The following PRKAG2 variants were observed in gnomAD, a reference collection of about 807,000 sequenced individuals.
The protein encoded by PRKAG2 is 5'-AMP-activated protein kinase subunit gamma-2.
Under a neutral mutation model 69.6 loss-of-function variants are expected in PRKAG2, and 26 were observed. That is an observed-to-expected ratio of 0.37 (90% CI 0.27 to 0.52). The LOEUF (loss-of-function observed/expected upper bound fraction) is 0.52, where lower values mean the gene tolerates loss of function less well. Among genes scored for constraint, PRKAG2 ranks in the 20% least tolerant of loss-of-function variants. The pLI is 0.90. For synonymous variants in PRKAG2, 293 were observed against 285.0 expected, an observed-to-expected ratio of 1.03 and a Z score of -0.28; for missense variants, 557 against 740.0, an observed-to-expected ratio of 0.75 and a Z score of 2.87.
intron 1 of PRKAG2, among the ~76,000 whole-genome samples, chr7:151,795,592 G>A (rs1187065028): frequency 1.3e-5 from 2 of 152,112 alleles, no homozygotes; most frequent in African/African-American, 4.8e-5. Context: ...GCAGGTGGCT[G>A]CCGTGGGCGT....
At chr7:151,708,410 C>T (rs145001833) in intron 3 of PRKAG2, among the ~76,000 whole-genome samples, 2 of 152,128 alleles carry the variant, frequency 1.3e-5, no homozygotes, top group African/African-American at 4.8e-5. Flanking sequence ...TGCCAGCCAT[C>T]GAAGAGAATA....
At chr7:151,628,135 G>A (rs73478084) in intron 5 of PRKAG2, among the ~76,000 whole-genome samples, 1 of 152,136 alleles carries the variant, frequency 6.6e-6, no homozygotes, top group East Asian at 1.9e-4. Flanking sequence ...AAACTTGAAA[G>A]AGCCCAGCTC....
rs568122697 is a variant in PRKAG2 at position 151,611,240 on chromosome 7, C to T, written c.755-15786G>A. 7.9e-4 allele frequency among the ~76,000 whole-genome samples: 121 copies of T among 152,314 alleles called. 1 individual carries two copies. The highest frequency in any genetic ancestry group is 3.4e-3 in the Middle Eastern group (1 of 294). On this transcript the variant is annotated intron_variant, in intron 5 of 15. Coordinates refer to ENST00000287878, the MANE Select transcript of PRKAG2 (RefSeq NM_016203.4). The stretch of plus-strand genomic sequence containing the variant: ...TCTGGAACCCACACACAGAGAGCAG[C>T]GGAGTGCTGATCGATGGTTACACCC...
intron 5 of PRKAG2, 90 bp downstream of exon 5, chr7:151,631,979 G>A (rs1824576947): frequency 1.8e-6 from 2 of 1,109,978 alleles, no homozygotes; most frequent in African/African-American, 3.4e-5. Flanking sequence ...GGGCAGCGCC[G>A]GAGATGGGGC....
At chr7:151,864,390 C>T (rs1435585857) in intron 1 of PRKAG2, among the ~76,000 whole-genome samples, 4 of 152,148 alleles carry the variant, frequency 2.6e-5, no homozygotes, top group African/African-American at 4.8e-5. Flanking sequence ...CCTCATTATA[C>T]GGCGGTCCAG....
At chr7:151,852,843 C>T (rs767697166) in intron 1 of PRKAG2, among the ~76,000 whole-genome samples, 5 of 152,170 alleles carry the variant, frequency 3.3e-5, no homozygotes, top group Admixed American at 2.0e-4. Context: ...CCTGGGGCCC[C>T]GCCTCTCTCC....
At chr7:151,706,141 G>A (rs563442494) in intron 3 of PRKAG2, among the ~76,000 whole-genome samples, 6 of 152,334 alleles carry the variant, frequency 3.9e-5, no homozygotes, top group African/African-American at 1.4e-4. Context: ...GCAGCACAGA[G>A]AAGACCCTGG....
chr7:151,876,595 T>C lies in PRKAG2; in HGVS notation c.26A>G (p.Lys9Arg), dbSNP rs574029693. Residue 9 changes from lysine to arginine, a missense_variant, in exon 1 of 16, where the codon AAG (lysine) becomes AGG (arginine). Around this residue, in one of 2 missense-constraint regions of PRKAG2, gnomAD observed 352 missense variants for 356.7 expected, o/e 0.99. Coordinates refer to ENST00000287878, the MANE Select transcript of PRKAG2 (RefSeq NM_016203.4). Reference sequence around the variant, plus strand: ...GGGGCTGGAAACATCTTTTTTCTTCTTGGTGTCCATAACCGCGCTTCCCAT... The same window carrying C: ...GGGGCTGGAAACATCTTTTTTCTTCCTGGTGTCCATAACCGCGCTTCCCAT... MGSAVMDT[K>R]KKKDVSSPGG... 2 of 1,610,106 alleles carry C rather than the reference T, an allele frequency of 1.2e-6. No individual in the cohort carries two copies. The highest frequency in any genetic ancestry group is 2.2e-5 in the South Asian group (2 of 91,082).
At chr7:151,576,307 A>G (rs1808907841) in intron 7 of PRKAG2, 64 bp downstream of exon 7, 1 of 1,379,614 alleles carries the variant, frequency 7.2e-7, no homozygotes, top group East Asian at 2.3e-5. Flanking sequence ...ATCTATTAAA[A>G]TACTTTAGGC....
rs569657709 is a variant in PRKAG2 at position 151,770,591 on chromosome 7, T to A, written c.466+10561A>T. 6.5e-4 allele frequency among the ~76,000 whole-genome samples: 99 copies of A among 152,308 alleles called. 1 individual carries two copies. Among genetic ancestry groups the A allele is most frequent in the Non-Finnish European group, 1.1e-3 (72 of 68,018 alleles). ...TTAAAGAAGTGATCCTTTCCAAATG[T>A]AGGAACCTTATCATTCTTCAACTGA... On this transcript the variant is annotated intron_variant, in intron 3 of 15. Transcript: ENST00000287878.
chr7:151,574,166 T>C (rs1314773680), intron 8 of PRKAG2, among the ~76,000 whole-genome samples: 3 of 152,238 alleles, frequency 2.0e-5, no homozygotes, highest in African/African-American at 7.2e-5. Flanking sequence ...GCAGTATTAA[T>C]TGAATTAACC....
intron 6 of PRKAG2, among the ~76,000 whole-genome samples, chr7:151,590,906 C>A (rs1183064472): frequency 6.6e-6 from 1 of 152,224 alleles, no homozygotes; most frequent in African/African-American, 2.4e-5. Context: ...GTGGCTCTAA[C>A]CGCTCACTTG....
At chr7:151,666,766 T>C (rs1369081715) in intron 4 of PRKAG2, among the ~76,000 whole-genome samples, 1 of 152,228 alleles carries the variant, frequency 6.6e-6, no homozygotes, top group Non-Finnish European at 1.5e-5. Context: ...CATTCAGTCC[T>C]AACCAACCAT....
rs894050392 is a variant in PRKAG2 at position 151,777,719 on chromosome 7, G to A, written c.466+3433C>T. Among the ~76,000 whole-genome samples the A allele has an allele frequency of 1.3e-5, 2 of 152,194 alleles. No homozygotes were observed. The highest frequency in any genetic ancestry group is 6.5e-5 in the Admixed American group (1 of 15,282). On this transcript the variant is annotated intron_variant, in intron 3 of 15. Transcript: ENST00000287878. The surrounding 1 kb of genome is among the most constrained non-coding windows in gnomAD (Gnocchi z 4.3). ...TGGCTTTGCTCATTACCTGGGCGGA[G>A]GCCAAGCTAACAAAGGGAGGAATTT...
chr7:151,744,641 T>C (rs1184166674), intron 3 of PRKAG2, among the ~76,000 whole-genome samples: 2 of 152,200 alleles, frequency 1.3e-5, no homozygotes, highest in African/African-American at 4.8e-5. Context: ...AATAGTCTCC[T>C]TGAAGCTGTC....
intron 5 of PRKAG2, among the ~76,000 whole-genome samples, chr7:151,599,398 G>GC (rs146896813): frequency 0.012 from 1,809 of 152,100 alleles, 26 homozygotes; most frequent in African/African-American, 0.041. Flanking sequence ...CAATCCTTCT[G>GC]CCCCCTGCAT....
intron 5 of PRKAG2, among the ~76,000 whole-genome samples, chr7:151,623,299 G>A (rs943084856): frequency 2.8e-5 from 4 of 143,062 alleles, no homozygotes; most frequent in African/African-American, 1.0e-4. Flanking sequence ...GGGAGGTGGA[G>A]CTTGCAGTGA....
Position 151,570,777 on chromosome 7 carries a change from T to G in PRKAG2, c.1052-552A>C, listed in dbSNP as rs572055995. On this transcript the variant is annotated intron_variant, in intron 9 of 15. Coordinates refer to ENST00000287878, the MANE Select transcript of PRKAG2 (RefSeq NM_016203.4). ...AATTAATTTGCTTTTCCAAGGTTTC[T>G]TTTTTTTTCTGAGACAGTCTCACTC... Among the ~76,000 whole-genome samples, 4 of 151,660 alleles carry G rather than the reference T, an allele frequency of 2.6e-5. No homozygotes were observed. The East Asian group carries it at 7.7e-4, about 29-fold the overall frequency.
At chr7:151,574,746 T>C (rs554413677) in intron 8 of PRKAG2, 145 bp downstream of exon 8, 165 of 1,130,240 alleles carry the variant, frequency 1.5e-4, no homozygotes, top group Non-Finnish European at 1.8e-4. Context: ...GCATGTTATA[T>C]AGATTTGGAA....
Sources: gnomAD v4.1 joint callset for allele counts (sites outside exome capture counted in the v4.1 genomes callset) on GRCh38, gnomAD v4.1.1 for gene constraint, gnomAD v4.1.1 regional missense constraint, Gnocchi (gnomAD v3.1) non-coding constraint, MANE v1.5 for transcripts, NCBI Gene and HGNC (gene_info 2026-07-23, HGNC 2026-07-21) for gene names.